Variants in FREM1 observed in about 807,000 individuals in gnomAD.
FREM1 encodes the protein FRAS1 related extracellular matrix 1.
Under a neutral mutation model 210.1 loss-of-function variants are expected in FREM1, and 220 were observed. The observed-to-expected ratio is 1.05, with a 90% CI of 0.94 to 1.17. FREM1 has a LOEUF of 1.17. Ranked by LOEUF, FREM1 falls within the 50% of genes most tolerant of loss-of-function variation. The pLI, the probability that FREM1 is intolerant of heterozygous loss-of-function variation, is 0.00. For synonymous variants in FREM1, 1,189 were observed against 980.2 expected (o/e 1.21, Z -3.98); for missense variants, 3,454 against 2,675.5 (o/e 1.29, Z -6.42).
chr9:14,860,318 G>C (rs1012526289), intron 3 of FREM1, among the ~76,000 whole-genome samples: 1 of 151,790 alleles, frequency 6.6e-6, no homozygotes, highest in Non-Finnish European at 1.5e-5. Context: ...CATGCTCCCT[G>C]TTTTCTGCTG....
chr9:14,855,130 T>C (rs958711182), intron 5 of FREM1, among the ~76,000 whole-genome samples: 7 of 151,980 alleles, frequency 4.6e-5, no homozygotes, highest in African/African-American at 1.7e-4. Context: ...AGAGAAGTGA[T>C]AAGGAAGAAC....
intron 25 of FREM1, among the ~76,000 whole-genome samples, chr9:14,775,069 C>A (rs1426104098): frequency 6.6e-6 from 1 of 152,202 alleles, no homozygotes; most frequent in Non-Finnish European, 1.5e-5. Flanking sequence ...TAAGTTTCAA[C>A]ATCAAATATG....
chr9:14,823,919 T>C (rs1821840193), intron 12 of FREM1, 106 bp downstream of exon 12: 3 of 538,768 alleles, frequency 5.6e-6, no homozygotes, highest in Non-Finnish European at 9.7e-6. Flanking sequence ...TGTCAAGTCT[T>C]TGTGGATGTC....
rs1261061846 is a variant in FREM1 at position 14,737,297 on chromosome 9, C to T, written c.*99G>A. On this transcript the variant is annotated 3_prime_UTR_variant, in exon 37 of 37. Coordinates refer to ENST00000380880, the MANE Select transcript of FREM1 (RefSeq NM_001379081.2). Reference sequence around the variant, plus strand: ...AGACAGAATCACAAAGGTATACCCACTCAATCATAACAATTTGTTTTCTAT... The same window carrying T: ...AGACAGAATCACAAAGGTATACCCATTCAATCATAACAATTTGTTTTCTAT... The T allele has an allele frequency of 1.2e-6, 1 of 812,908 alleles. No homozygotes were observed. Among genetic ancestry groups the T allele is most frequent in the Non-Finnish European group, 1.9e-6 (1 of 513,998 alleles). The allele number at this position is 812,908 out of a possible 1,614,324, so 50.4% of individuals were successfully genotyped here. A position where few individuals can be genotyped will look rare whatever the true frequency, so the allele number is the denominator to read the frequency against.
chr9:14,899,293 G>A (rs1337597146), intron 1 of FREM1, among the ~76,000 whole-genome samples: 1 of 152,216 alleles, frequency 6.6e-6, no homozygotes, highest in Non-Finnish European at 1.5e-5. Context: ...CCATTCTGCT[G>A]CACATGCTGG....
At chr9:14,890,534 G>GT (rs139226725) in intron 1 of FREM1, among the ~76,000 whole-genome samples, 7,424 of 152,174 alleles carry the variant, frequency 0.049, 217 homozygotes, top group Non-Finnish European at 0.062. Context: ...TATGGAAAAC[G>GT]TTTTTTGTTC....
rs897588576 is a variant in FREM1, at chr9:14,752,545, G to C, written c.5408-2269C>G. On this transcript the variant is annotated intron_variant, in intron 29 of 36. Coordinates refer to ENST00000380880, the MANE Select transcript of FREM1 (RefSeq NM_001379081.2). ...ACAAAGAAGTCACACACTGAAAGTG[G>C]ATTAGCAAAATGAACCTGAGAGTGT... is the stretch of plus-strand genomic sequence containing the variant. 3.1e-4 allele frequency among the ~76,000 whole-genome samples: 47 copies of C among 152,310 alleles called. 1 individual carries two copies. The highest frequency in any genetic ancestry group is 2.7e-3 in the Admixed American group (42 of 15,296).
Position 14,776,202 on chromosome 9 carries a change from A to G in FREM1, c.4444T>C (p.Phe1482Leu). Residue 1482 changes from phenylalanine (F) to leucine (L), a missense_variant and splice_region_variant, in exon 25 of 37, where the codon TTC (phenylalanine) becomes CTC (leucine). Phe to Leu is a conservative substitution (Grantham distance 22, BLOSUM62 0). Transcript: ENST00000380880. ...GTCCGCAGTCCATTGCTGATGATGA[A>G]TCTGGTAAAGAGAGGCAAGGCAGCC... The part of the protein sequence containing the change: ...KVTVSSDRFR[F>L]IISNGLRTEH... The G allele has an allele frequency of 2.0e-6, 3 of 1,517,050 alleles. No individual in the cohort carries two copies. Among genetic ancestry groups the G allele is most frequent in the East Asian group, 2.3e-5 (1 of 43,992 alleles). The allele number at this position is 1,517,050 out of a possible 1,614,324, so 94.0% of individuals were successfully genotyped here.
intron 10 of FREM1, among the ~76,000 whole-genome samples, chr9:14,832,920 A>T (rs1436310687): frequency 6.6e-6 from 1 of 152,222 alleles, no homozygotes; most frequent in Non-Finnish European, 1.5e-5. Flanking sequence ...ATCTTAGGTT[A>T]GGATGCAGGC....
At position 14,895,559 on chromosome 9, in the gene FREM1, G is replaced by T. The variant is rs186824437; in HGVS notation, c.-268+14355C>A. On this transcript the variant is annotated intron_variant, in intron 1 of 36. Coordinates refer to ENST00000380880, the MANE Select transcript of FREM1 (RefSeq NM_001379081.2). ...ACTCCATATCTGCTTGGTTCCAACA[G>T]TTGCCCAGCTCATGAAAAATCTTCT... Among the ~76,000 whole-genome samples, 397 of 152,144 alleles carry T rather than the reference G, an allele frequency of 2.6e-3. 1 individual carries two copies. Among genetic ancestry groups the T allele is most frequent in the Non-Finnish European group, 2.9e-3 (198 of 68,008 alleles).
At chr9:14,771,603 G>C (rs1294282959) in intron 25 of FREM1, among the ~76,000 whole-genome samples, 1 of 152,096 alleles carries the variant, frequency 6.6e-6, no homozygotes, top group East Asian at 1.9e-4. Flanking sequence ...GGATGGATTA[G>C]AACAGATCCA....
At chr9:14,765,223 G>A (rs938059254) in intron 27 of FREM1, among the ~76,000 whole-genome samples, 2 of 152,100 alleles carry the variant, frequency 1.3e-5, no homozygotes, top group African/African-American at 2.4e-5. Context: ...CTCCGTAATC[G>A]AATGCTATGA....
At position 14,782,747 on chromosome 9, in the gene FREM1, T is replaced by C. The variant is rs150647889; in HGVS notation, c.4442+1623A>G. Among the ~76,000 whole-genome samples, 1,029 of 152,298 alleles carry C rather than the reference T, an allele frequency of 6.8e-3. 15 individuals carry two copies. The highest frequency in any genetic ancestry group is 0.023 in the African/African-American group (958 of 41,572). On this transcript the variant is annotated intron_variant, in intron 24 of 36. Coordinates refer to ENST00000380880, the MANE Select transcript of FREM1 (RefSeq NM_001379081.2). ...GTAAGAGTAGTAGCTAACACTTACT[T>C]AGTTCTTCCTATGTGCCAGGTGTTG...
chr9:14,856,642 G>A (rs562402103), intron 5 of FREM1, among the ~76,000 whole-genome samples: 36 of 152,096 alleles, frequency 2.4e-4, no homozygotes, highest in Non-Finnish European at 4.4e-4. Context: ...GACCATCCTG[G>A]CTAACACGGT....
At chr9:14,799,665 A>G (rs1006268614) in intron 20 of FREM1, among the ~76,000 whole-genome samples, 1 of 152,160 alleles carries the variant, frequency 6.6e-6, no homozygotes, top group Admixed American at 6.5e-5. Flanking sequence ...TTTGAAAAAA[A>G]AATTTTAAAC....
chr9:14,761,310 G>A (rs962045070), intron 27 of FREM1, among the ~76,000 whole-genome samples: 1 of 152,164 alleles, frequency 6.6e-6, no homozygotes, highest in Non-Finnish European at 1.5e-5. Flanking sequence ...TAGGGGGCAA[G>A]GGTAGGGTAA....
chr9:14,738,091 T>G (rs1473732588), intron 36 of FREM1, among the ~76,000 whole-genome samples: 1 of 152,180 alleles, frequency 6.6e-6, no homozygotes, highest in Non-Finnish European at 1.5e-5. Flanking sequence ...TATGTATTAT[T>G]TTGAGTCTGG....
At chr9:14,756,957 G>C (rs1174438045) in intron 28 of FREM1, among the ~76,000 whole-genome samples, 1 of 152,106 alleles carries the variant, frequency 6.6e-6, no homozygotes, top group Middle Eastern at 3.2e-3. Flanking sequence ...AAACACATCT[G>C]GTTCATTTTC....
intron 25 of FREM1, among the ~76,000 whole-genome samples, chr9:14,772,358 T>C (rs1181449510): frequency 6.6e-6 from 1 of 152,134 alleles, no homozygotes. Context: ...ATGCAGCCTT[T>C]AAAAATCATG....
Sources: allele counts gnomAD v4.1 joint callset (sites outside exome capture counted in the v4.1 genomes callset), GRCh38; gene constraint gnomAD v4.1.1; transcripts MANE v1.5; gene names NCBI Gene and HGNC (gene_info 2026-07-23, HGNC 2026-07-21).